The following LILRA2 variants were observed in gnomAD, a reference collection of about 807,000 sequenced individuals.
LILRA2 encodes leukocyte immunoglobulin like receptor A2, also known as leukocyte immunoglobulin-like receptor subfamily A member 2.
In LILRA2, 45 loss-of-function variants were observed where a neutral mutation model predicts 47.9. The observed-to-expected ratio is 0.94, with a 90% CI of 0.74 to 1.20. The LOEUF (loss-of-function observed/expected upper bound fraction) is 1.20, where lower values mean the gene tolerates loss of function less well. LILRA2 is among the 50% of genes most tolerant of loss of function. The probability of loss-of-function intolerance (pLI) is 0.00; values close to 1 mark genes in which losing one functional copy is unlikely to be tolerated. For synonymous variants in LILRA2, 279 were observed against 249.2 expected (o/e 1.12, Z -1.13); for missense variants, 651 against 598.2 (o/e 1.09, Z -0.92).
intron 6 of LILRA2, among the ~76,000 whole-genome samples, chr19:54,580,197 C>T (rs113053406): frequency 0.75 from 100,269 of 132,978 alleles, 37,020 homozygotes; most frequent in Non-Finnish European, 0.8. Context: ...GTTTTCTTTT[C>T]TTTTTTTTTT....
At chr19:54,586,553 T>C (rs1422558532) in intron 6 of LILRA2, among the ~76,000 whole-genome samples, 2 of 152,182 alleles carry the variant, frequency 1.3e-5, no homozygotes, top group Non-Finnish European at 2.9e-5. Context: ...CAAGAGCCCC[T>C]GAGGTCCAAC....
Position 54,575,295 on chromosome 19 carries a change from C to G in LILRA2, c.695C>G (p.Pro232Arg). Reference protein sequence around the residue: ...KKPSLSVQPGPMVAPGESLTL... With the variant: ...KKPSLSVQPGRMVAPGESLTL... ...CCATCACTCTCAGTGCAGCCAGGTCCTATGGTGGCCCCTGGGGAGAGCCTG... is the reference window on the plus strand; with the variant it reads ...CCATCACTCTCAGTGCAGCCAGGTCGTATGGTGGCCCCTGGGGAGAGCCTG... Residue 232 changes from proline (P) to arginine (R), a missense_variant, in exon 5 of 8, where the codon CCT becomes CGT. Pro to Arg is a moderately radical substitution (Grantham distance 103, BLOSUM62 -2). Coordinates refer to ENST00000391738, the MANE Select transcript of LILRA2 (RefSeq NM_001130917.3). 1 of 1,613,968 alleles carries G rather than the reference C, an allele frequency of 6.2e-7. No individual in the cohort carries two copies. Among genetic ancestry groups the G allele is most frequent in the Non-Finnish European group, 8.5e-7 (1 of 1,179,908 alleles).
chr19:54,585,441 C>A (rs1318960953), intron 6 of LILRA2, among the ~76,000 whole-genome samples: 1 of 152,234 alleles, frequency 6.6e-6, no homozygotes, highest in Non-Finnish European at 1.5e-5. Flanking sequence ...GGGCTCCACC[C>A]AGTTCGTGCT....
chr19:54,577,653 T>C (rs1350791095), intron 6 of LILRA2: 2 of 1,289,320 alleles, frequency 1.6e-6, no homozygotes, highest in African/African-American at 1.5e-5. Context: ...TGTGCTCACC[T>C]GGAGGCCTCT....
chr19:54,575,767 C>G lies in LILRA2; in HGVS notation c.953-40C>G, dbSNP rs375394515. ...GGCCTGGGGAGGTCTCAGCTCAGAA[C>G]AAGGTGGGGCAGCCCCTCACCCATC... On this transcript the variant is annotated intron_variant, in intron 5 of 7. Transcript: ENST00000391738. The G allele has an allele frequency of 1.6e-5, 25 of 1,610,324 alleles. No individual in the cohort carries two copies. The African/African-American group carries it at 2.8e-4, about 18-fold the overall frequency.
At chr19:54,577,510 G>A (rs7257319) in intron 6 of LILRA2, 58,665 of 1,289,514 alleles carry the variant, frequency 0.045, 1,649 homozygotes, top group African/African-American at 0.098. Flanking sequence ...GGGTCCCTGG[G>A]CCATCTCAAG....
chr19:54,586,288 G>A (rs1198529658), intron 6 of LILRA2, among the ~76,000 whole-genome samples: 1 of 151,682 alleles, frequency 6.6e-6, no homozygotes, highest in Non-Finnish European at 1.5e-5. Flanking sequence ...TTTGTTATTG[G>A]TCTTCTTATC....
intron 6 of LILRA2, among the ~76,000 whole-genome samples, chr19:54,580,219 A>C (rs1270753092): frequency 2.9e-5 from 3 of 103,372 alleles, no homozygotes; most frequent in Non-Finnish European, 5.7e-5. Context: ...TTTTTATTAT[A>C]CTCTAAGTTT....
rs2062863838 is a variant in LILRA2 at position 54,588,134 on chromosome 19, A to T, written c.*788A>T. 6.6e-6 allele frequency: 1 copy of T among 152,286 alleles called. No homozygotes were observed. The highest frequency in any genetic ancestry group is 2.4e-5 in the African/African-American group (1 of 41,450). 9.4% of individuals were successfully genotyped at this position (152,286 alleles called of 1,614,324 possible). A position where few individuals can be genotyped will look rare whatever the true frequency, so the allele number is the denominator to read the frequency against. On this transcript the variant is annotated 3_prime_UTR_variant, in exon 8 of 8. Coordinates refer to ENST00000391738, the MANE Select transcript of LILRA2 (RefSeq NM_001130917.3). Reference sequence around the variant, plus strand: ...AATGAGCACCAGGGACCTGTGGCACATCCCACTGAGAGCTCACCCATATAC... The same window carrying T: ...AATGAGCACCAGGGACCTGTGGCACTTCCCACTGAGAGCTCACCCATATAC...
At position 54,574,414 on chromosome 19, in the gene LILRA2, AG is replaced by A; in HGVS notation, c.187del (p.Glu63LysfsTer54). On this transcript the variant is annotated frameshift_variant, in exon 3 of 8. Transcript: ENST00000391738. LOFTEE classifies it high-confidence loss of function. ...TCAGGCTGAGGAGTACCATCTATAT[AG>A]GGAAAACAAATCAGCATCCTGGGTT... is the stretch of plus-strand genomic sequence containing the variant. The part of the protein sequence containing the change: ...SLQAEEYHLY[R>X]ENKSASWVRR... 1 of 1,614,144 alleles carries A rather than the reference AG, an allele frequency of 6.2e-7. No homozygotes were observed. Among genetic ancestry groups the A allele is most frequent in the Non-Finnish European group, 8.5e-7 (1 of 1,180,008 alleles).
At position 54,587,860 on chromosome 19, in the gene LILRA2, C is replaced by G. The variant is rs1331594521; in HGVS notation, c.*514C>G. 1 of 156,976 alleles carries G rather than the reference C, an allele frequency of 6.4e-6. No homozygotes were observed. Among genetic ancestry groups the G allele is most frequent in the Non-Finnish European group, 1.4e-5 (1 of 70,808 alleles). 9.7% of individuals were successfully genotyped at this position (156,976 alleles called of 1,614,324 possible). On this transcript the variant is annotated 3_prime_UTR_variant, in exon 8 of 8. Transcript: ENST00000391738. ...TGACACCCTCTCTGTACCTTATGAG[C>G]CCTTCCCTCTTTCTCAGATGCTATC...
upstream of LILRA2, chr19:54,573,227 A>T (rs2062197659): frequency 2.1e-6 from 1 of 465,628 alleles, no homozygotes; most frequent in African/African-American, 2.0e-5. Context: ...TCTAGCCTTC[A>T]CCCACCTCAG....
chr19:54,582,383 C>G (rs2062668757), intron 6 of LILRA2, among the ~76,000 whole-genome samples: 1 of 152,092 alleles, frequency 6.6e-6, no homozygotes, highest in Admixed American at 6.6e-5. Context: ...TGGTAGAATT[C>G]GGCTGCGAAT....
chr19:54,584,710 G>A (rs2062746213), intron 6 of LILRA2, among the ~76,000 whole-genome samples: 1 of 152,116 alleles, frequency 6.6e-6, no homozygotes, highest in African/African-American at 2.4e-5. Context: ...CCTTGCAATG[G>A]GTTAGAACAT....
At chr19:54,583,569 T>C (rs2062705923) in intron 6 of LILRA2, among the ~76,000 whole-genome samples, 1 of 152,082 alleles carries the variant, frequency 6.6e-6, no homozygotes, top group South Asian at 2.1e-4. Context: ...AAAGTCTGTA[T>C]TATCAGAGAC....
chr19:54,579,911 G>A (rs988088159), intron 6 of LILRA2, among the ~76,000 whole-genome samples: 2 of 152,084 alleles, frequency 1.3e-5, no homozygotes, highest in African/African-American at 4.8e-5. Flanking sequence ...CTCTCTGTTT[G>A]TCTATTATTG....
In LILRA2 at chr19:54,575,400, CTGGT is replaced by C. The variant is rs1568508117; in HGVS notation, c.804_807del (p.Trp269SerfsTer16). The C allele has an allele frequency of 9.3e-6, 15 of 1,613,442 alleles. No homozygotes were observed. The East Asian group carries it at 1.6e-4, about 17-fold the overall frequency. On this transcript the variant is annotated frameshift_variant, in exon 5 of 8. Coordinates refer to ENST00000391738, the MANE Select transcript of LILRA2 (RefSeq NM_001130917.3). LOFTEE classifies it high-confidence loss of function. ...GGAGAACGTGACTTCCTCCAGCGCC[CTGGT>C]TGGCAGCCCCAGGCTGGGCTCTCCC... is the stretch of plus-strand genomic sequence containing the variant.
At position 54,589,888 on chromosome 19, in the gene LILRA2, A is replaced by T. The variant is rs1158139017; in HGVS notation, c.*2542A>T. The stretch of plus-strand genomic sequence containing the variant: ...CCAACCTGAACCTGAGCCCCCGATC[A>T]TTTTTTCTACCACTTTTCAGTCCTG... On this transcript the variant is annotated 3_prime_UTR_variant, in exon 8 of 8. Coordinates refer to ENST00000391738, the MANE Select transcript of LILRA2 (RefSeq NM_001130917.3). 6.6e-6 allele frequency: 1 copy of T among 151,990 alleles called. No homozygotes were observed. Among genetic ancestry groups the T allele is most frequent in the Non-Finnish European group, 1.5e-5 (1 of 68,014 alleles). 9.4% of individuals were successfully genotyped at this position (151,990 alleles called of 1,614,324 possible).
At position 54,575,388 on chromosome 19, in the gene LILRA2, TC is replaced by T. The variant is rs2062370812; in HGVS notation, c.790del (p.Leu264SerfsTer22). ...CTGTATAAGGAGGGAGAACGTGACT[TC>T]CTCCAGCGCCCTGGTTGGCAGCCCC... ...FVLYKEGERD[F>X]LQRPGWQPQA... is the part of the protein sequence containing the mutation. On this transcript the variant is annotated frameshift_variant, in exon 5 of 8. Transcript: ENST00000391738. LOFTEE classifies it high-confidence loss of function. 6.2e-7 allele frequency: 1 copy of T among 1,613,936 alleles called. No individual in the cohort carries two copies. Among genetic ancestry groups the T allele is most frequent in the Admixed American group, 1.7e-5 (1 of 59,998 alleles).
Sources: gnomAD v4.1 joint callset for allele counts (sites outside exome capture counted in the v4.1 genomes callset) on GRCh38, gnomAD v4.1.1 for gene constraint, MANE v1.5 for transcripts, NCBI Gene and HGNC (gene_info 2026-07-23, HGNC 2026-07-21) for gene names.